Variants in SPOCK1 observed in about 807,000 individuals in gnomAD.
The protein encoded by SPOCK1 is SPARC (osteonectin), cwcv and kazal like domains proteoglycan 1.
A neutral mutation model predicts 55.3 loss-of-function variants in SPOCK1; 23 were observed. That is an observed-to-expected ratio of 0.42 (90% CI 0.30 to 0.59). The LOEUF (loss-of-function observed/expected upper bound fraction) is 0.59. Among genes scored for constraint, SPOCK1 ranks in the 20% least tolerant of loss-of-function variants. SPOCK1 has a pLI of 0.22. For missense variants in SPOCK1, 499 were observed against 552.5 expected, an observed-to-expected ratio of 0.90 and a Z score of 0.97; for synonymous variants, 226 against 221.0, an observed-to-expected ratio of 1.02 and a Z score of -0.20.
At chr5:137,143,296 A>C (rs938475251) in intron 3 of SPOCK1, among the ~76,000 whole-genome samples, 9 of 152,204 alleles carry the variant, frequency 5.9e-5, no homozygotes, top group Non-Finnish European at 1.2e-4. Context: ...GCTTTGTGGC[A>C]GAATTTGAGC....
intron 6 of SPOCK1, among the ~76,000 whole-genome samples, chr5:137,034,998 G>C (rs1751854936): frequency 6.6e-6 from 1 of 152,164 alleles, no homozygotes; most frequent in Non-Finnish European, 1.5e-5. Flanking sequence ...CTCCAGAGTG[G>C]GTTCTACTGC....
intron 9 of SPOCK1, among the ~76,000 whole-genome samples, chr5:136,980,058 A>C (rs1462339724): frequency 1.3e-5 from 2 of 152,120 alleles, no homozygotes; most frequent in Non-Finnish European, 2.9e-5. Flanking sequence ...ATTCCTTGTC[A>C]CTGTCTTCCA....
At chr5:136,992,183 G>A (rs1477077841) in intron 7 of SPOCK1, among the ~76,000 whole-genome samples, 3 of 152,104 alleles carry the variant, frequency 2.0e-5, no homozygotes, top group African/African-American at 7.2e-5. Context: ...AAAACAGTCT[G>A]GAAAGTATGA....
intron 4 of SPOCK1, among the ~76,000 whole-genome samples, chr5:137,122,311 T>C (rs1236312864): frequency 6.6e-6 from 1 of 151,860 alleles, no homozygotes; most frequent in African/African-American, 2.4e-5. Flanking sequence ...ACTAAAATTC[T>C]GCTTTGCCAA....
chr5:137,078,640 AC>A (rs1312738236), intron 5 of SPOCK1, among the ~76,000 whole-genome samples: 7 of 152,254 alleles, frequency 4.6e-5, no homozygotes, highest in African/African-American at 1.2e-4. Flanking sequence ...TTTCCTCCTC[AC>A]TAAAGATAAT....
At chr5:137,006,272 T>C (rs1244265309) in intron 6 of SPOCK1, among the ~76,000 whole-genome samples, 2 of 152,192 alleles carry the variant, frequency 1.3e-5, no homozygotes, top group Non-Finnish European at 2.9e-5. Flanking sequence ...GGGAATAGCA[T>C]TGAATCTATA....
chr5:137,052,881 T>A (rs1435672355), intron 6 of SPOCK1, among the ~76,000 whole-genome samples: 2 of 152,154 alleles, frequency 1.3e-5, no homozygotes, highest in Non-Finnish European at 2.9e-5. Context: ...GTATAACTCC[T>A]ATTTTTTTTT....
chr5:137,145,063 T>A (rs1754167279), intron 3 of SPOCK1, among the ~76,000 whole-genome samples: 1 of 152,010 alleles, frequency 6.6e-6, no homozygotes, highest in Admixed American at 6.6e-5. Flanking sequence ...CACCAAAGGT[T>A]AATTTTATCT....
At chr5:137,455,414 T>C (rs1236335139) in intron 2 of SPOCK1, among the ~76,000 whole-genome samples, 4 of 152,116 alleles carry the variant, frequency 2.6e-5, no homozygotes, top group Non-Finnish European at 5.9e-5. Context: ...ACTAAGATAG[T>C]TTCTCTCAGA....
chr5:137,478,309 C>T (rs984707128), intron 2 of SPOCK1, among the ~76,000 whole-genome samples: 1 of 152,076 alleles, frequency 6.6e-6, no homozygotes, highest in African/African-American at 2.4e-5. Context: ...GAGTCACCCA[C>T]CAACAGATCA....
chr5:137,401,651 A>C (rs909012656), intron 2 of SPOCK1, among the ~76,000 whole-genome samples: 6 of 152,120 alleles, frequency 3.9e-5, no homozygotes, highest in East Asian at 1.9e-4. Flanking sequence ...AGGATGAAGC[A>C]AGAGGATCAC....
At chr5:137,424,510 AGCATTCATTGCCATGAATGCTCACG>A (rs1343317121) in intron 2 of SPOCK1, among the ~76,000 whole-genome samples, 1 of 152,234 alleles carries the variant, frequency 6.6e-6, no homozygotes, top group Non-Finnish European at 1.5e-5. Flanking sequence ...AGAAGTTAAA[AGCATTCATTGCCATGAATGCTCACG>A]GCAAACAAAA....
In SPOCK1 at chr5:137,160,554, ATAT is replaced by A. The variant is rs1561631592; in HGVS notation, c.233-19863_233-19861del. ...TAAAAATATATAATATATATAATAT[ATAT>A]TATATATTATATATTATATAATATA... is the stretch of plus-strand genomic sequence containing the variant. On this transcript the variant is annotated intron_variant, in intron 3 of 10. Coordinates refer to ENST00000394945, the MANE Select transcript of SPOCK1 (RefSeq NM_004598.4). Among the ~76,000 whole-genome samples, 2 of 60,028 alleles carry A rather than the reference ATAT, an allele frequency of 3.3e-5. 1 individual carries two copies. Among genetic ancestry groups the A allele is most frequent in the East Asian group, 1.7e-3 (2 of 1,174 alleles). The allele number at this position is 60,028 out of a possible 152,430, so 39.4% of individuals were successfully genotyped here.
chr5:137,169,944 C>T (rs1415970489), intron 3 of SPOCK1, among the ~76,000 whole-genome samples: 1 of 152,148 alleles, frequency 6.6e-6, no homozygotes, highest in Admixed American at 6.5e-5. Context: ...AAAATACAGG[C>T]CTCACTTAAG....
At chr5:137,136,302 G>A (rs4422525) in intron 4 of SPOCK1, among the ~76,000 whole-genome samples, 81,757 of 151,882 alleles carry the variant, frequency 0.54, 22,185 homozygotes, top group East Asian at 0.62. Flanking sequence ...TGATTAAAAT[G>A]TATAACTATA....
At chr5:137,190,240 A>C (rs1755154741) in intron 3 of SPOCK1, among the ~76,000 whole-genome samples, 2 of 152,284 alleles carry the variant, frequency 1.3e-5, no homozygotes, top group South Asian at 4.2e-4. Context: ...AACGCCATGA[A>C]ACAGCACAGC....
intron 5 of SPOCK1, among the ~76,000 whole-genome samples, chr5:137,100,446 T>C (rs1753240478): frequency 2.0e-5 from 3 of 152,314 alleles, no homozygotes; most frequent in Admixed American, 1.3e-4. Context: ...ACAACGTGCA[T>C]GATGTAGTGA....
intron 6 of SPOCK1, among the ~76,000 whole-genome samples, chr5:137,016,963 CA>C (rs1751458669): frequency 6.6e-6 from 1 of 152,230 alleles, no homozygotes; most frequent in African/African-American, 2.4e-5. Context: ...TGTGCTCAAG[CA>C]CATGTGGAGG....
intron 2 of SPOCK1, among the ~76,000 whole-genome samples, chr5:137,481,623 G>T (rs1188097282): frequency 1.3e-5 from 2 of 152,200 alleles, no homozygotes; most frequent in African/African-American, 4.8e-5. Context: ...GGAGGAGAAA[G>T]ATTTTAAAAA....
Sources: gnomAD v4.1 joint callset for allele counts (sites outside exome capture counted in the v4.1 genomes callset) on GRCh38, gnomAD v4.1.1 for gene constraint, MANE v1.5 for transcripts, NCBI Gene and HGNC (gene_info 2026-07-23, HGNC 2026-07-21) for gene names.